Variants in CSMD1 observed in about 807,000 individuals in gnomAD.
The protein encoded by CSMD1 is CUB and sushi domain-containing protein 1.
In CSMD1, 213 loss-of-function variants were observed where a neutral mutation model predicts 417.5. The ratio of observed to expected loss-of-function variants is 0.51; its 90% CI spans 0.46 to 0.57. The LOEUF is 0.57. CSMD1 is among the 20% of genes least tolerant of loss of function. The pLI is 0.00. For missense variants in CSMD1, 6,923 were observed against 4,529.7 expected (o/e 1.53, Z -15.17); for synonymous variants, 2,862 against 1,736.8 (o/e 1.65, Z -16.11).
intron 2 of CSMD1, among the ~76,000 whole-genome samples, chr8:4,599,577 T>A (rs1467196616): frequency 1.3e-5 from 2 of 152,054 alleles, no homozygotes; most frequent in Non-Finnish European, 2.9e-5. Context: ...ATAAGTTACG[T>A]CAACGAATAT....
intron 10 of CSMD1, among the ~76,000 whole-genome samples, chr8:3,542,132 T>C (rs994312153): frequency 6.6e-6 from 1 of 152,248 alleles, no homozygotes; most frequent in Non-Finnish European, 1.5e-5. Context: ...TTATTTCCTA[T>C]GGAAATCCCT....
At chr8:4,263,775 T>C (rs970430103) in intron 3 of CSMD1, among the ~76,000 whole-genome samples, 2 of 152,110 alleles carry the variant, frequency 1.3e-5, no homozygotes, top group Non-Finnish European at 2.9e-5. Context: ...AAAATGAAAA[T>C]CTTTACTCCA....
chr8:2,995,608 A>G (rs962337448), intron 54 of CSMD1, among the ~76,000 whole-genome samples: 1 of 152,238 alleles, frequency 6.6e-6, no homozygotes, highest in African/African-American at 2.4e-5. Context: ...AACAGCTCGT[A>G]GCAGCATTGT....
intron 29 of CSMD1, among the ~76,000 whole-genome samples, chr8:3,218,198 G>C (rs1193223381): frequency 6.6e-6 from 1 of 152,128 alleles, no homozygotes; most frequent in East Asian, 1.9e-4. Flanking sequence ...CAGAAACCTT[G>C]CTAAACCAGC....
At position 3,458,543 on chromosome 8, in the gene CSMD1, G is replaced by T. The variant is rs554790405; in HGVS notation, c.1561+10169C>A. 2.6e-3 allele frequency among the ~76,000 whole-genome samples: 397 copies of T among 152,262 alleles called. 1 individual carries two copies. The highest frequency in any genetic ancestry group is 4.7e-3 in the Non-Finnish European group (317 of 68,016). Reference sequence around the variant, plus strand: ...TCAATATCTTTCTAATATATAGTTTGTTGTTATTACTTGTTTGTTTTAATA... The same window carrying T: ...TCAATATCTTTCTAATATATAGTTTTTTGTTATTACTTGTTTGTTTTAATA... On this transcript the variant is annotated intron_variant, in intron 12 of 69. Coordinates refer to ENST00000635120, the MANE Select transcript of CSMD1 (RefSeq NM_033225.6).
intron 7 of CSMD1, among the ~76,000 whole-genome samples, chr8:3,627,628 G>A (rs1796560187): frequency 1.3e-5 from 2 of 152,020 alleles, no homozygotes; most frequent in Non-Finnish European, 2.9e-5. Context: ...ATGTTTATAG[G>A]GAACTATGAG....
chr8:3,071,662 G>C (rs747598188), intron 49 of CSMD1, among the ~76,000 whole-genome samples: 1 of 152,056 alleles, frequency 6.6e-6, no homozygotes, highest in Non-Finnish European at 1.5e-5. Context: ...CATTCCATTT[G>C]AATGCATAAG....
chr8:4,877,903 G>A (rs1336457119), intron 1 of CSMD1, among the ~76,000 whole-genome samples: 1 of 152,036 alleles, frequency 6.6e-6, no homozygotes, highest in Non-Finnish European at 1.5e-5. Context: ...CATTGAGAAG[G>A]AAATTTCCAT....
intron 3 of CSMD1, among the ~76,000 whole-genome samples, chr8:4,107,062 C>T (rs1349855990): frequency 1.3e-5 from 2 of 152,132 alleles, no homozygotes; most frequent in East Asian, 1.9e-4. Context: ...TCCAAGCAGG[C>T]ATCCATGTCA....
chr8:3,656,113 G>T (rs150714011), intron 7 of CSMD1, among the ~76,000 whole-genome samples: 1 of 152,164 alleles, frequency 6.6e-6, no homozygotes, highest in Non-Finnish European at 1.5e-5. Flanking sequence ...AAGATCATGG[G>T]GTGCGCAGTG....
intron 3 of CSMD1, among the ~76,000 whole-genome samples, chr8:4,055,614 T>C (rs1798651333): frequency 6.6e-6 from 1 of 152,052 alleles, no homozygotes; most frequent in African/African-American, 2.4e-5. Context: ...TTTTAATGAA[T>C]ATAAAATATT....
At chr8:4,884,475 A>G (rs1389012671) in intron 1 of CSMD1, among the ~76,000 whole-genome samples, 1 of 151,894 alleles carries the variant, frequency 6.6e-6, no homozygotes, top group African/African-American at 2.4e-5. Context: ...GTAGAGATTC[A>G]TGCCTGTGTT....
intron 2 of CSMD1, among the ~76,000 whole-genome samples, chr8:4,615,016 C>T (rs1434836064): frequency 8.6e-5 from 13 of 152,008 alleles, no homozygotes; most frequent in African/African-American, 3.1e-4. Context: ...AATTGGTGGA[C>T]GCTAATGACT....
chr8:3,709,675 A>T (rs1466859248), intron 6 of CSMD1, among the ~76,000 whole-genome samples: 2 of 47,158 alleles, frequency 4.2e-5, no homozygotes, highest in African/African-American at 6.7e-5. Context: ...AAATTGCAGC[A>T]GCATGTTTTT....
intron 5 of CSMD1, among the ~76,000 whole-genome samples, chr8:3,918,729 AC>A (rs1809008835): frequency 6.6e-6 from 1 of 152,134 alleles, no homozygotes; most frequent in African/African-American, 2.4e-5. Flanking sequence ...ATTTGCAGCA[AC>A]CTGGATGGTA....
intron 3 of CSMD1, among the ~76,000 whole-genome samples, chr8:4,166,558 G>C (rs1489673893): frequency 6.6e-6 from 1 of 152,114 alleles, no homozygotes; most frequent in Admixed American, 6.5e-5. Flanking sequence ...TAAGCAATGA[G>C]GATACAAAGG....
rs1272210772 is a variant in CSMD1, at chr8:3,772,472, TATATATACATATATACAC to T, written c.819-18448_819-18431del. 6.4e-3 allele frequency among the ~76,000 whole-genome samples: 338 copies of T among 53,084 alleles called. 45 individuals are homozygous for T. The highest frequency in any genetic ancestry group is 0.027 in the African/African-American group (316 of 11,810). 34.8% of individuals were successfully genotyped at this position (53,084 alleles called of 152,430 possible). On this transcript the variant is annotated intron_variant, in intron 5 of 69. Transcript: ENST00000635120. Reference sequence around the variant, plus strand: ...ACACATATATATACATATATACACATATATATACATATATACACATATATACATATATACACATATATA... The same window carrying T: ...ACACATATATATACATATATACACATATATATACATATATACACATATATA...
chr8:3,021,172 G>T (rs571087139), intron 51 of CSMD1, among the ~76,000 whole-genome samples: 1 of 152,128 alleles, frequency 6.6e-6, no homozygotes, highest in Non-Finnish European at 1.5e-5. Context: ...CCCTCTGCTC[G>T]TATGGCTGTT....
intron 2 of CSMD1, among the ~76,000 whole-genome samples, chr8:4,571,044 A>G (rs1190720523): frequency 2.0e-5 from 3 of 151,464 alleles, no homozygotes; most frequent in African/African-American, 7.3e-5. Flanking sequence ...CTTCTTCTTT[A>G]TTAGTCTGGC....
Sources: allele counts gnomAD v4.1 joint callset (sites outside exome capture counted in the v4.1 genomes callset), GRCh38; gene constraint gnomAD v4.1.1; transcripts MANE v1.5; gene names NCBI Gene and HGNC (gene_info 2026-07-23, HGNC 2026-07-21).